HFE: variants seen among roughly 807,000 people sequenced by gnomAD.
HFE encodes the protein hereditary hemochromatosis protein.
Under a neutral mutation model 40.9 loss-of-function variants are expected in HFE, and 36 were observed. That is an observed-to-expected ratio of 0.88 (90% CI 0.67 to 1.16). The LOEUF (loss-of-function observed/expected upper bound fraction) is 1.16. Ranked by LOEUF, HFE falls within the 50% of genes most tolerant of loss-of-function variation. The pLI, the probability that HFE is intolerant of heterozygous loss-of-function variation, is 0.00. For synonymous variants in HFE, 157 were observed against 165.4 expected (o/e 0.95, Z 0.39); for missense variants, 376 against 432.0 (o/e 0.87, Z 1.15).
At chr6:26,089,106 T>TG (rs576461485) in intron 1 of HFE, among the ~76,000 whole-genome samples, 70 of 5,846 alleles carry the variant, frequency 0.012, 2 homozygotes, top group African/African-American at 0.034. Flanking sequence ...TGTGTGTGTG[T>TG]GTGGGGGGGG....
chr6:26,089,126 TGGGGGTGGG>T (rs1762497573), intron 1 of HFE, among the ~76,000 whole-genome samples: 1 of 8,314 alleles, frequency 1.2e-4, no homozygotes, highest in African/African-American at 4.2e-4. Context: ...GGGGGCGGCG[TGGGGGTGGG>T]AAGGGGGACT....
intron 1 of HFE, among the ~76,000 whole-genome samples, chr6:26,089,953 G>A (rs1027124899): frequency 1.3e-5 from 2 of 152,150 alleles, no homozygotes; most frequent in African/African-American, 4.8e-5. Flanking sequence ...AAAGAGAAGA[G>A]TTAAAGTTGA....
At position 26,097,895 on chromosome 6, in the gene HFE, T is replaced by C. The variant is rs1484613619; in HGVS notation, c.*3669T>C. 6.6e-6 allele frequency: 1 copy of C among 152,198 alleles called. No individual in the cohort carries two copies. Among genetic ancestry groups the C allele is most frequent in the African/African-American group, 2.4e-5 (1 of 41,440 alleles). The allele number at this position is 152,198 out of a possible 1,614,324, so 9.4% of individuals were successfully genotyped here. A position where few individuals can be genotyped will look rare whatever the true frequency, so the allele number is the denominator to read the frequency against. The stretch of plus-strand genomic sequence containing the variant: ...ACACTGTCTCTAAAATCCCCAAATT[T>C]TTCATAAACTCAGTTTTAAACTAAC... On this transcript the variant is annotated 3_prime_UTR_variant, in exon 6 of 6. Transcript: ENST00000357618.
At position 26,097,861 on chromosome 6, in the gene HFE, A is replaced by T. The variant is rs1374185658; in HGVS notation, c.*3635A>T. On this transcript the variant is annotated 3_prime_UTR_variant, in exon 6 of 6. Transcript: ENST00000357618. ...ATTCTTCACAAACTCACACACATTTAAAAACAAAACACTGTCTCTAAAATC... is the reference window on the plus strand; with the variant it reads ...ATTCTTCACAAACTCACACACATTTTAAAACAAAACACTGTCTCTAAAATC... The T allele has an allele frequency of 6.6e-6, 1 of 152,216 alleles. No individual in the cohort carries two copies. The highest frequency in any genetic ancestry group is 1.5e-5 in the Non-Finnish European group (1 of 68,042). The allele number at this position is 152,216 out of a possible 1,614,324, so 9.4% of individuals were successfully genotyped here. A position where few individuals can be genotyped will look rare whatever the true frequency, so the allele number is the denominator to read the frequency against.
intron 3 of HFE, 98 bp from the exon 4 acceptor site, chr6:26,092,587 A>G (rs779608338): frequency 1.2e-6 from 2 of 1,610,316 alleles, no homozygotes; most frequent in Admixed American, 3.3e-5. Context: ...TGAAAAGGGT[A>G]TTTCCTTCCT....
At chr6:26,087,813 G>A (rs1170161472) in intron 1 of HFE, among the ~76,000 whole-genome samples, 1 of 152,142 alleles carries the variant, frequency 6.6e-6, no homozygotes, top group Admixed American at 6.5e-5. Context: ...AATAAATCTC[G>A]TAGTTCCTCA....
rs777622145 is a variant in HFE at position 26,092,833 on chromosome 6, C to T, written c.765C>T (p.Asp255=). The part of the protein sequence containing the change: ...PMDAKEFEPK[D]VLPNGDGTYQ... Reference sequence around the variant, plus strand: ...ATGCCAAGGAGTTCGAACCTAAAGACGTATTGCCCAATGGGGATGGGACCT... The same window carrying T: ...ATGCCAAGGAGTTCGAACCTAAAGATGTATTGCCCAATGGGGATGGGACCT... The change falls in exon 4 of 6, where the codon GAC becomes GAT. Residue 255 remains aspartate (D), a synonymous_variant. Transcript: ENST00000357618. The T allele has an allele frequency of 1.1e-5, 17 of 1,614,088 alleles. No individual in the cohort carries two copies. Among genetic ancestry groups the T allele is most frequent in the Non-Finnish European group, 1.4e-5 (16 of 1,180,052 alleles).
At position 26,089,113 on chromosome 6, in the gene HFE, G is replaced by C. The variant is rs185489863; in HGVS notation, c.76+1597G>C. 1.5e-3 allele frequency among the ~76,000 whole-genome samples: 215 copies of C among 143,608 alleles called. 3 individuals are homozygous for C. Among genetic ancestry groups the C allele is most frequent in the Admixed American group, 4.4e-3 (64 of 14,532 alleles). 94.2% of individuals were successfully genotyped at this position (143,608 alleles called of 152,430 possible). A position where few individuals can be genotyped will look rare whatever the true frequency, so the allele number is the denominator to read the frequency against. On this transcript the variant is annotated intron_variant, in intron 1 of 5. Transcript: ENST00000357618. ...ACTACTCATGTGTGTGTGTGTGGGG[G>C]GGGGGGGCGGCGTGGGGGTGGGAAG...
intron 3 of HFE, 134 bp from the exon 4 acceptor site, chr6:26,092,551 T>G (rs1762795277): frequency 1.3e-6 from 2 of 1,509,104 alleles, no homozygotes; most frequent in Non-Finnish European, 1.8e-6. Flanking sequence ...CACAAAATGG[T>G]GTCTCTCCTG....
In HFE at chr6:26,096,141, AAG is replaced by A. The variant is rs1385623769; in HGVS notation, c.*1918_*1919del. The A allele has an allele frequency of 6.2e-6, 1 of 160,618 alleles. No individual in the cohort carries two copies. The highest frequency in any genetic ancestry group is 2.5e-5 in the African/African-American group (1 of 40,010). 9.9% of individuals were successfully genotyped at this position (160,618 alleles called of 1,614,324 possible). On this transcript the variant is annotated 3_prime_UTR_variant, in exon 6 of 6. Coordinates refer to ENST00000357618, the MANE Select transcript of HFE (RefSeq NM_000410.4). ...TGGGAAATCAGTTCACCATGTTCAA[AAG>A]AGTCTTTTTTTTTTTTTTGAGACTC...
chr6:26,094,405 T>A lies in HFE; in HGVS notation c.*179T>A. The A allele has an allele frequency of 1.4e-6, 1 of 722,712 alleles. No homozygotes were observed. The highest frequency in any genetic ancestry group is 2.5e-6 in the Non-Finnish European group (1 of 402,184). The allele number at this position is 722,712 out of a possible 1,614,324, so 44.8% of individuals were successfully genotyped here. ...CCTCAAAAAGATTTCCCCATTTAGGTTTCTGAGTTCCTGCATGCCGGTGAT... is the reference window on the plus strand; with the variant it reads ...CCTCAAAAAGATTTCCCCATTTAGGATTCTGAGTTCCTGCATGCCGGTGAT... On this transcript the variant is annotated 3_prime_UTR_variant, in exon 6 of 6. Transcript: ENST00000357618.
Position 26,094,343 on chromosome 6 carries a change from T to A in HFE, c.*117T>A. ...GTTGAACCTAAACATAGAAATTGCC[T>A]GACGAACTCCTTGATTTTAGCCTTC... On this transcript the variant is annotated 3_prime_UTR_variant, in exon 6 of 6. Transcript: ENST00000357618. 2 of 947,500 alleles carry A rather than the reference T, an allele frequency of 2.1e-6. No homozygotes were observed. The highest frequency in any genetic ancestry group is 1.9e-5 in the Admixed American group (1 of 51,998). 58.7% of individuals were successfully genotyped at this position (947,500 alleles called of 1,614,324 possible).
In HFE at chr6:26,094,848, T is replaced by C. The variant is rs1762951516; in HGVS notation, c.*622T>C. The C allele has an allele frequency of 5.0e-6, 1 of 198,104 alleles. No homozygotes were observed. Among genetic ancestry groups the C allele is most frequent in the Non-Finnish European group, 1.0e-5 (1 of 95,334 alleles). The allele number at this position is 198,104 out of a possible 1,614,324, so 12.3% of individuals were successfully genotyped here. On this transcript the variant is annotated 3_prime_UTR_variant, in exon 6 of 6. Transcript: ENST00000357618. Reference sequence around the variant, plus strand: ...CCTGTCCCAGAAAAAGCATCATGGCTATCTGTGGGTAGTATGATGGGTGTT... The same window carrying C: ...CCTGTCCCAGAAAAAGCATCATGGCCATCTGTGGGTAGTATGATGGGTGTT...
In HFE at chr6:26,097,070, C is replaced by G. The variant is rs1763069355; in HGVS notation, c.*2844C>G. ...TGAAAGCATATGACAAATTATTTCT[C>G]TCTTAATATCTTACTATACTGAAAG... On this transcript the variant is annotated 3_prime_UTR_variant, in exon 6 of 6. Transcript: ENST00000357618. 1 of 167,130 alleles carries G rather than the reference C, an allele frequency of 6.0e-6. No homozygotes were observed. The highest frequency in any genetic ancestry group is 1.3e-5 in the Non-Finnish European group (1 of 77,774). The allele number at this position is 167,130 out of a possible 1,614,324, so 10.4% of individuals were successfully genotyped here.
rs1348485687 is a variant in HFE at position 26,094,224 on chromosome 6, T to C, written c.1045T>C (p.Ter349ArgextTer14). Residue 349 changes from the stop codon to arginine (R), a stop_lost, in exon 6 of 6, where the codon TGA becomes CGA. Transcript: ENST00000357618. Reference protein sequence around the residue: ...MGHYVLAERE* With the variant: ...MGHYVLAERER ...GCACTACGTCTTAGCTGAACGTGAG[T>C]GACACGCAGCCTGCAGACTCACTGT... 7 of 1,613,846 alleles carry C rather than the reference T, an allele frequency of 4.3e-6. No individual in the cohort carries two copies. The East Asian group carries it at 1.3e-4, about 31-fold the overall frequency.
At position 26,097,794 on chromosome 6, in the gene HFE, A is replaced by G. The variant is rs974350911; in HGVS notation, c.*3568A>G. ...CAGGCCAAAATTCTTATGTTGTATT[A>G]TAATAATGTCATCTTATAATACTGT... On this transcript the variant is annotated 3_prime_UTR_variant, in exon 6 of 6. Coordinates refer to ENST00000357618, the MANE Select transcript of HFE (RefSeq NM_000410.4). The G allele has an allele frequency of 2.0e-5, 3 of 152,216 alleles. No homozygotes were observed. The highest frequency in any genetic ancestry group is 6.5e-5 in the Admixed American group (1 of 15,284). 9.4% of individuals were successfully genotyped at this position (152,216 alleles called of 1,614,324 possible).
chr6:26,091,906 C>T (rs1018906020), intron 3 of HFE, among the ~76,000 whole-genome samples: 1 of 151,996 alleles, frequency 6.6e-6, no homozygotes, highest in Non-Finnish European at 1.5e-5. Flanking sequence ...AGGCCGGGCA[C>T]GGTGGCTCAC....
At chr6:26,093,714 A>G (rs1762885925) in intron 5 of HFE, among the ~76,000 whole-genome samples, 1 of 152,004 alleles carries the variant, frequency 6.6e-6, no homozygotes. Flanking sequence ...AGGTCTACAC[A>G]GACGGAGCAA....
At chr6:26,091,160 A>G in intron 2 of HFE, 56 bp downstream of exon 2, 1 of 1,610,356 alleles carries the variant, frequency 6.2e-7, no homozygotes, top group Non-Finnish European at 8.5e-7. Context: ...TCATCTTTTC[A>G]TGCATCTTGA....
Sources: gnomAD v4.1 joint callset for allele counts (sites outside exome capture counted in the v4.1 genomes callset) on GRCh38, gnomAD v4.1.1 for gene constraint, MANE v1.5 for transcripts, NCBI Gene and HGNC (gene_info 2026-07-23, HGNC 2026-07-21) for gene names.